Variants in PCDH15 observed in about 807,000 individuals in gnomAD.
The protein encoded by PCDH15 is protocadherin-15.
Under a neutral mutation model 178.5 loss-of-function variants are expected in PCDH15, and 129 were observed. The ratio of observed to expected loss-of-function variants is 0.72; its 90% CI spans 0.63 to 0.84. The LOEUF (loss-of-function observed/expected upper bound fraction) is 0.84. PCDH15 is among the 40% of genes least tolerant of loss of function. The pLI, the probability that PCDH15 is intolerant of heterozygous loss-of-function variation, is 0.00. For missense variants in PCDH15, 2,230 were observed against 2,099.9 expected, an observed-to-expected ratio of 1.06 and a Z score of -1.21; for synonymous variants, 800 against 732.0, an observed-to-expected ratio of 1.09 and a Z score of -1.50.
chr10:54,308,542 T>C (rs1271224216), intron 8 of PCDH15, among the ~76,000 whole-genome samples: 4 of 152,106 alleles, frequency 2.6e-5, no homozygotes, highest in Non-Finnish European at 5.9e-5. Flanking sequence ...CTATGGTATA[T>C]TACAGTTGAA....
intron 2 of PCDH15, among the ~76,000 whole-genome samples, chr10:55,139,002 T>C (rs4581349): frequency 0.91 from 138,961 of 152,092 alleles, 63,955 homozygotes; most frequent in Non-Finnish European, 0.97. Flanking sequence ...ACTTTGTATA[T>C]TCATTTAGCC....
At chr10:53,970,992 G>T (rs1589692485) in intron 21 of PCDH15, among the ~76,000 whole-genome samples, 2 of 152,164 alleles carry the variant, frequency 1.3e-5, no homozygotes, top group South Asian at 4.2e-4. Context: ...CAAAAAAAGA[G>T]AATTTAAACC....
chr10:55,352,754 T>C (rs1844970980), intron 2 of PCDH15, among the ~76,000 whole-genome samples: 1 of 152,108 alleles, frequency 6.6e-6, no homozygotes, highest in African/African-American at 2.4e-5. Flanking sequence ...GTGGATTTTA[T>C]ATGACAACCG....
chr10:54,155,906 C>T (rs1441074002), intron 13 of PCDH15, among the ~76,000 whole-genome samples: 1 of 151,962 alleles, frequency 6.6e-6, no homozygotes, highest in East Asian at 1.9e-4. Context: ...TTGGAGCTAA[C>T]CTATGGCAAG....
chr10:55,510,380 G>T (rs1840852391), intron 2 of PCDH15, among the ~76,000 whole-genome samples: 1 of 151,898 alleles, frequency 6.6e-6, no homozygotes, highest in Admixed American at 6.6e-5. Flanking sequence ...TAAAGGGATT[G>T]TGAAAGTATG....
At chr10:55,034,120 T>C (rs1320686328) in intron 2 of PCDH15, among the ~76,000 whole-genome samples, 1 of 152,052 alleles carries the variant, frequency 6.6e-6, no homozygotes, top group East Asian at 1.9e-4. Flanking sequence ...AATTACCCAG[T>C]GTGGTATTTC....
Position 54,227,505 on chromosome 10 carries a change from C to T in PCDH15, c.985+9318G>A, listed in dbSNP as rs116799041. Among the ~76,000 whole-genome samples the T allele has an allele frequency of 4.0e-3, 602 of 152,286 alleles. 7 individuals are homozygous for T. Among genetic ancestry groups the T allele is most frequent in the African/African-American group, 0.014 (569 of 41,552 alleles). On this transcript the variant is annotated intron_variant, in intron 9 of 37. Transcript: ENST00000644397. ...ACAGAACCATCTTTTCTCCCCAGGC[C>T]TCCAGGCTGGTGGTGGGAGGGGCTG...
At chr10:54,667,316 C>G (rs549360391) in intron 1 of PCDH15, among the ~76,000 whole-genome samples, 1 of 151,880 alleles carries the variant, frequency 6.6e-6, no homozygotes, top group African/African-American at 2.4e-5. Flanking sequence ...ACACAGAACA[C>G]ATATTGACTT....
intron 25 of PCDH15, among the ~76,000 whole-genome samples, chr10:53,925,261 C>A (rs1001774661): frequency 6.6e-6 from 1 of 152,142 alleles, no homozygotes; most frequent in Admixed American, 6.5e-5. Flanking sequence ...AGACCACGAA[C>A]CCACTGGGTA....
chr10:54,627,164 C>G (rs1318998315), intron 2 of PCDH15, among the ~76,000 whole-genome samples: 2 of 152,066 alleles, frequency 1.3e-5, no homozygotes, highest in Admixed American at 6.5e-5. Flanking sequence ...AAGGCCCTTG[C>G]CTTGTCTAGG....
At chr10:55,387,375 A>G (rs1274784017) in intron 2 of PCDH15, among the ~76,000 whole-genome samples, 1 of 152,056 alleles carries the variant, frequency 6.6e-6, no homozygotes, top group Non-Finnish European at 1.5e-5. Context: ...GTCACTTTTT[A>G]TATTATAATT....
chr10:55,012,682 C>T (rs1294390999), intron 2 of PCDH15, among the ~76,000 whole-genome samples: 1 of 152,078 alleles, frequency 6.6e-6, no homozygotes, highest in Non-Finnish European at 1.5e-5. Flanking sequence ...TCTTTGCTTC[C>T]ACTAAACCAT....
rs375287533 is a variant in PCDH15, at chr10:53,927,882, A to T, written c.3373+10933T>A. On this transcript the variant is annotated intron_variant, in intron 25 of 37. Coordinates refer to ENST00000644397, the MANE Select transcript of PCDH15 (RefSeq NM_001384140.1). The stretch of plus-strand genomic sequence containing the variant: ...ACAGGCCAGATGTATTTGTTCTTGT[A>T]TGACAGGGACAATGAATGATTAAGC... 6.6e-5 allele frequency among the ~76,000 whole-genome samples: 10 copies of T among 152,220 alleles called. No individual in the cohort carries two copies. In the East Asian group the frequency reaches 1.4e-3, roughly 21 times the overall value.
chr10:53,879,194 T>C (rs1056064354), intron 26 of PCDH15, among the ~76,000 whole-genome samples: 1 of 152,206 alleles, frequency 6.6e-6, no homozygotes, highest in Admixed American at 6.5e-5. Context: ...GCAGGACCAT[T>C]TTCTGAATCG....
chr10:55,329,765 T>A (rs1471805306), intron 2 of PCDH15, among the ~76,000 whole-genome samples: 1 of 151,744 alleles, frequency 6.6e-6, no homozygotes, highest in African/African-American at 2.4e-5. Flanking sequence ...AATATATGAT[T>A]AAACAGGAAA....
At chr10:54,743,740 C>T (rs1247052352) in intron 1 of PCDH15, among the ~76,000 whole-genome samples, 3 of 150,922 alleles carry the variant, frequency 2.0e-5, no homozygotes, top group Non-Finnish European at 4.4e-5. Flanking sequence ...AATACTGCTC[C>T]TAAATATTAA....
At chr10:54,820,357 C>G (rs10740600) in intron 3 of PCDH15, among the ~76,000 whole-genome samples, 103,265 of 151,796 alleles carry the variant, frequency 0.68, 35,421 homozygotes, top group Admixed American at 0.78. Context: ...TTGCTGCCAG[C>G]ATCACTCCAT....
At chr10:55,330,093 AT>A (rs1184932449) in intron 2 of PCDH15, among the ~76,000 whole-genome samples, 20 of 151,970 alleles carry the variant, frequency 1.3e-4, no homozygotes, top group Admixed American at 5.2e-4. Flanking sequence ...CTAAAATATA[AT>A]TTAAAACTCT....
chr10:54,501,402 C>G (rs1310872183), intron 3 of PCDH15, among the ~76,000 whole-genome samples: 1 of 152,042 alleles, frequency 6.6e-6, no homozygotes, highest in Non-Finnish European at 1.5e-5. Context: ...TTGGCATAAA[C>G]AGTCTGCAAA....
Sources: allele counts gnomAD v4.1 joint callset (sites outside exome capture counted in the v4.1 genomes callset), GRCh38; gene constraint gnomAD v4.1.1; transcripts MANE v1.5; gene names NCBI Gene and HGNC (gene_info 2026-07-23, HGNC 2026-07-21).